Variants in KAT2B observed in about 807,000 individuals in gnomAD.
KAT2B encodes the protein lysine acetyltransferase 2B.
In KAT2B, 36 loss-of-function variants were observed where a neutral mutation model predicts 105.9. The observed-to-expected ratio is 0.34, with a 90% CI of 0.26 to 0.45. The LOEUF is 0.45. Among genes scored for constraint, KAT2B ranks in the 20% least tolerant of loss-of-function variants. KAT2B has a pLI of 1.00. For missense variants in KAT2B, 820 were observed against 1,021.6 expected, an observed-to-expected ratio of 0.80 and a Z score of 2.69; for synonymous variants, 397 against 377.9, an observed-to-expected ratio of 1.05 and a Z score of -0.59.
At chr3:20,063,656 C>T (rs557023441) in intron 1 of KAT2B, among the ~76,000 whole-genome samples, 4 of 149,458 alleles carry the variant, frequency 2.7e-5, no homozygotes, top group African/African-American at 9.8e-5. Context: ...AATTCTCCTG[C>T]CTCAGCCTCC....
intron 13 of KAT2B, among the ~76,000 whole-genome samples, chr3:20,145,243 C>T (rs910140592): frequency 6.6e-6 from 1 of 152,028 alleles, no homozygotes; most frequent in Admixed American, 6.5e-5. Context: ...TTCTTTTTGC[C>T]TTTTAAAAAT....
chr3:20,061,440 G>T (rs1575109905), intron 1 of KAT2B, among the ~76,000 whole-genome samples: 1 of 152,028 alleles, frequency 6.6e-6, no homozygotes, highest in African/African-American at 2.4e-5. Flanking sequence ...CTAGGACATG[G>T]GTGTCCAAAT....
intron 5 of KAT2B, among the ~76,000 whole-genome samples, chr3:20,103,269 A>G (rs1275816215): frequency 6.6e-6 from 1 of 152,234 alleles, no homozygotes; most frequent in East Asian, 1.9e-4. Context: ...TCTGTGAACA[A>G]TTGACAAAGC....
At position 20,049,699 on chromosome 3, in the gene KAT2B, G is replaced by A. The variant is rs535665679; in HGVS notation, c.303+8919G>A. Among the ~76,000 whole-genome samples, 180 of 152,246 alleles carry A rather than the reference G, an allele frequency of 1.2e-3. 2 individuals are homozygous for A. Among genetic ancestry groups the A allele is most frequent in the Non-Finnish European group, 1.9e-3 (131 of 68,024 alleles). On this transcript the variant is annotated intron_variant, in intron 1 of 17. Transcript: ENST00000263754. ...TTTCTAGTCCATTGAACCTGTGCAG[G>A]CCATAAAGTAAACAAAATAAGCATT...
At chr3:20,094,436 A>G (rs913025541) in intron 2 of KAT2B, among the ~76,000 whole-genome samples, 31 of 152,316 alleles carry the variant, frequency 2.0e-4, no homozygotes, top group African/African-American at 7.5e-4. Flanking sequence ...GGGTGGAGAC[A>G]CAGAGCCAAA....
intron 11 of KAT2B, among the ~76,000 whole-genome samples, chr3:20,135,248 A>G (rs1465185802): frequency 1.3e-5 from 2 of 152,242 alleles, no homozygotes; most frequent in Non-Finnish European, 2.9e-5. Context: ...TTTGCAGAAG[A>G]GGGAGATGAT....
At chr3:20,091,080 G>A (rs1192809298) in intron 2 of KAT2B, among the ~76,000 whole-genome samples, 2 of 152,110 alleles carry the variant, frequency 1.3e-5, no homozygotes, top group African/African-American at 4.8e-5. Flanking sequence ...ATTAGTATTA[G>A]TTCTTTTTAA....
rs528656989 is a variant in KAT2B at position 20,089,790 on chromosome 3, A to G, written c.431-5473A>G. Among the ~76,000 whole-genome samples the G allele has an allele frequency of 2.1e-4, 32 of 151,956 alleles. 1 individual carries two copies. In the South Asian group the frequency reaches 6.6e-3, roughly 32 times the overall value. On this transcript the variant is annotated intron_variant, in intron 2 of 17. Coordinates refer to ENST00000263754, the MANE Select transcript of KAT2B (RefSeq NM_003884.5). ...ATTCCTAGGTATTTGATTGTTTTTG[A>G]TGCTGTTATAAATGAGATTGTTTCC... is the stretch of plus-strand genomic sequence containing the variant.
intron 1 of KAT2B, among the ~76,000 whole-genome samples, chr3:20,061,551 C>T (rs2125172036): frequency 6.6e-6 from 1 of 151,972 alleles, no homozygotes; most frequent in African/African-American, 2.4e-5. Flanking sequence ...GAGGAACTGT[C>T]ATACTGTTTT....
chr3:20,057,555 C>A (rs1318664435), intron 1 of KAT2B, among the ~76,000 whole-genome samples: 1 of 152,230 alleles, frequency 6.6e-6, no homozygotes, highest in Admixed American at 6.5e-5. Flanking sequence ...GATCTTTCCA[C>A]TGTGTCGAAG....
intron 3 of KAT2B, among the ~76,000 whole-genome samples, chr3:20,096,947 GAA>G (rs1181394966): frequency 3.1e-5 from 2 of 64,404 alleles, no homozygotes; most frequent in Non-Finnish European, 5.8e-5. Context: ...AGAATAATAG[GAA>G]AGAGAGAGAG....
At chr3:20,067,337 T>TA (rs1325690462) in intron 1 of KAT2B, among the ~76,000 whole-genome samples, 1 of 152,130 alleles carries the variant, frequency 6.6e-6, no homozygotes, top group Non-Finnish European at 1.5e-5. Flanking sequence ...TTTTTTTTTT[T>TA]ATTGAGTAGG....
intron 1 of KAT2B, among the ~76,000 whole-genome samples, chr3:20,048,101 A>G (rs1428707267): frequency 6.6e-6 from 1 of 152,206 alleles, no homozygotes; most frequent in Admixed American, 6.5e-5. Context: ...ACATAAGTTT[A>G]TTGCATACAA....
intron 1 of KAT2B, among the ~76,000 whole-genome samples, chr3:20,050,034 T>C (rs1327798623): frequency 2.6e-5 from 4 of 152,064 alleles, no homozygotes; most frequent in African/African-American, 9.7e-5. Flanking sequence ...ACCCGGTCTC[T>C]ACTAAAAATA....
At chr3:20,079,013 A>G (rs1377555241) in intron 2 of KAT2B, among the ~76,000 whole-genome samples, 2 of 150,588 alleles carry the variant, frequency 1.3e-5, no homozygotes, top group Non-Finnish European at 3.0e-5. Flanking sequence ...CTTCCCAGGT[A>G]GCTGGGATTA....
intron 5 of KAT2B, among the ~76,000 whole-genome samples, chr3:20,107,156 G>A (rs1355391813): frequency 3.5e-5 from 5 of 143,860 alleles, no homozygotes; most frequent in Admixed American, 7.1e-5. Flanking sequence ...TCTGCCTCCC[G>A]AGTAGCTGGG....
intron 2 of KAT2B, among the ~76,000 whole-genome samples, chr3:20,081,603 G>A (rs1575122092): frequency 6.6e-6 from 1 of 152,176 alleles, no homozygotes; most frequent in East Asian, 1.9e-4. Flanking sequence ...CCCACCAAAA[G>A]GAATAAACTT....
rs959988308 is a variant in KAT2B at position 20,040,462 on chromosome 3, C to G, written c.-16C>G. The G allele has an allele frequency of 1.1e-5, 12 of 1,077,414 alleles. No individual in the cohort carries two copies. Among genetic ancestry groups the G allele is most frequent in the African/African-American group, 1.0e-4 (6 of 59,256 alleles). The allele number at this position is 1,077,414 out of a possible 1,614,324, so 66.7% of individuals were successfully genotyped here. On this transcript the variant is annotated 5_prime_UTR_variant, in exon 1 of 18. Coordinates refer to ENST00000263754, the MANE Select transcript of KAT2B (RefSeq NM_003884.5). ...GCGCCTGACACTCGGCGCCTCCTGC[C>G]GTGCTCCGGGGCGGCATGTCCGAGG...
chr3:20,079,831 G>T (rs1698488752), intron 2 of KAT2B, among the ~76,000 whole-genome samples: 1 of 152,198 alleles, frequency 6.6e-6, no homozygotes, highest in African/African-American at 2.4e-5. Flanking sequence ...GATGTCCACT[G>T]CTGGCTAATG....
Sources: gnomAD v4.1 joint callset for allele counts (sites outside exome capture counted in the v4.1 genomes callset) on GRCh38, gnomAD v4.1.1 for gene constraint, MANE v1.5 for transcripts, NCBI Gene and HGNC (gene_info 2026-07-23, HGNC 2026-07-21) for gene names.